Variants in CCDC60 observed in about 807,000 individuals in gnomAD.
CCDC60 encodes coiled-coil domain containing 60.
Under a neutral mutation model 63.5 loss-of-function variants are expected in CCDC60, and 54 were observed. That is an observed-to-expected ratio of 0.85 (90% confidence interval 0.68 to 1.07). The LOEUF (loss-of-function observed/expected upper bound fraction) is 1.07, where lower values mean the gene tolerates loss of function less well. Ranked by LOEUF, CCDC60 falls within the 50% of genes least tolerant of loss-of-function variation. The pLI, the probability that CCDC60 is intolerant of heterozygous loss-of-function variation, is 0.00. For missense variants in CCDC60, 651 were observed against 684.3 expected (o/e 0.95, Z 0.54); for synonymous variants, 206 against 238.8 (o/e 0.86, Z 1.27).
intron 1 of CCDC60, among the ~76,000 whole-genome samples, chr12:119,363,568 TAGAA>T (rs1398683386): frequency 2.0e-5 from 3 of 152,196 alleles, no homozygotes; most frequent in Admixed American, 6.5e-5. Flanking sequence ...CTATATGTAT[TAGAA>T]AGCCACAAGA....
intron 1 of CCDC60, among the ~76,000 whole-genome samples, chr12:119,406,305 C>G (rs1363420205): frequency 6.6e-6 from 1 of 151,918 alleles, no homozygotes; most frequent in African/African-American, 2.4e-5. Flanking sequence ...CATCAGCTCC[C>G]CTTGCGTCTT....
chr12:119,349,869 A>G (rs948738662), intron 1 of CCDC60, among the ~76,000 whole-genome samples: 2 of 152,068 alleles, frequency 1.3e-5, no homozygotes, highest in Admixed American at 1.3e-4. Context: ...CCCTTCAGAT[A>G]TTTTCAGTGC....
chr12:119,372,433 T>G (rs754777250), intron 1 of CCDC60, among the ~76,000 whole-genome samples: 1 of 152,180 alleles, frequency 6.6e-6, no homozygotes, highest in African/African-American at 2.4e-5. Context: ...TTAGAGCTGA[T>G]GTATAGAACC....
At chr12:119,385,187 C>T (rs1321263303) in intron 1 of CCDC60, among the ~76,000 whole-genome samples, 1 of 152,206 alleles carries the variant, frequency 6.6e-6, no homozygotes, top group Admixed American at 6.5e-5. Context: ...TCTCCAGAAC[C>T]ACTTGCCACC....
rs1351568742 is a variant in CCDC60 at position 119,456,516 on chromosome 12, AG to A, written c.171-15474del. ...GGTCACTAGAAAGATGTTACATGAA[AG>A]GGGTCCCAATCCAGACCCCAAGAGA... On this transcript the variant is annotated intron_variant, in intron 2 of 13. Coordinates refer to ENST00000327554, the MANE Select transcript of CCDC60 (RefSeq NM_178499.5). This position sits in a 1 kb window ranked among gnomAD's most constrained non-coding sequence, Gnocchi z 4.6. Among the ~76,000 whole-genome samples the A allele has an allele frequency of 6.6e-6, 1 of 152,184 alleles. No individual in the cohort carries two copies. The highest frequency in any genetic ancestry group is 1.5e-5 in the Non-Finnish European group (1 of 68,030).
intron 1 of CCDC60, among the ~76,000 whole-genome samples, chr12:119,368,668 C>G (rs1355039145): frequency 6.6e-6 from 1 of 152,150 alleles, no homozygotes; most frequent in African/African-American, 2.4e-5. Flanking sequence ...AAATACATGC[C>G]CTTTTGCCCT....
At chr12:119,423,620 C>G (rs1309042486) in intron 1 of CCDC60, among the ~76,000 whole-genome samples, 1 of 152,220 alleles carries the variant, frequency 6.6e-6, no homozygotes, top group Non-Finnish European at 1.5e-5. Flanking sequence ...CTAGCTTATG[C>G]CAAGTGGCCC....
In CCDC60 at chr12:119,420,751, G is replaced by A. The variant is rs113987264; in HGVS notation, c.91-7932G>A. Among the ~76,000 whole-genome samples the A allele has an allele frequency of 0.011, 1,730 of 152,154 alleles. 32 individuals are homozygous for A. The highest frequency in any genetic ancestry group is 0.039 in the African/African-American group (1,613 of 41,524). ...TAACTCAAAGGATAAATGCTTGAGG[G>A]GATAGATGCCCCATTCTCCATGATG... On this transcript the variant is annotated intron_variant, in intron 1 of 13. Transcript: ENST00000327554. This position sits in a 1 kb window ranked among gnomAD's most constrained non-coding sequence, Gnocchi z 4.1.
intron 4 of CCDC60, among the ~76,000 whole-genome samples, chr12:119,482,359 G>A: frequency 6.6e-6 from 1 of 151,924 alleles, no homozygotes; most frequent in Non-Finnish European, 1.5e-5. Context: ...TATCACAGTG[G>A]ATGTGGTTCA....
chr12:119,417,286 G>GA (rs1295207764), intron 1 of CCDC60, among the ~76,000 whole-genome samples: 14 of 152,090 alleles, frequency 9.2e-5, no homozygotes, highest in Non-Finnish European at 2.1e-4. Context: ...TGATGTACAA[G>GA]AAAATCCCCC....
At chr12:119,438,067 T>G (rs1179620280) in intron 2 of CCDC60, among the ~76,000 whole-genome samples, 1 of 152,186 alleles carries the variant, frequency 6.6e-6, no homozygotes, top group Non-Finnish European at 1.5e-5. Flanking sequence ...CTGTCTCAAG[T>G]TAATTGCGGT....
intron 1 of CCDC60, among the ~76,000 whole-genome samples, chr12:119,427,286 A>G (rs997345089): frequency 5.9e-5 from 9 of 152,214 alleles, no homozygotes; most frequent in Admixed American, 2.0e-4. Context: ...CACACAGATC[A>G]TTTTTCAAAA....
At position 119,456,881 on chromosome 12, in the gene CCDC60, C is replaced by T. The variant is rs899971582; in HGVS notation, c.171-15113C>T. On this transcript the variant is annotated intron_variant, in intron 2 of 13. Transcript: ENST00000327554. The surrounding 1 kb of genome is among the most constrained non-coding windows in gnomAD (Gnocchi z 4.6). ...CTTCTTTACTGCAACCTGTTTTATC[C>T]GCAAGGTCTTTATGATCTGTATTTT... Among the ~76,000 whole-genome samples the T allele has an allele frequency of 6.6e-6, 1 of 152,162 alleles. No individual in the cohort carries two copies. The highest frequency in any genetic ancestry group is 1.5e-5 in the Non-Finnish European group (1 of 68,018).
At chr12:119,540,538 T>G in intron 13 of CCDC60, 76 bp from the exon 14 acceptor site, 1 of 1,012,448 alleles carries the variant, frequency 9.9e-7, no homozygotes, top group South Asian at 1.3e-5. Flanking sequence ...TCTTCCAGGA[T>G]CTTGAGGGGA....
chr12:119,523,582 G>T, intron 10 of CCDC60, 111 bp from the exon 11 acceptor site: 1 of 1,471,194 alleles, frequency 6.8e-7, no homozygotes. Context: ...TGGCTACAGG[G>T]AGTCCCCCAT....
intron 1 of CCDC60, among the ~76,000 whole-genome samples, chr12:119,384,191 A>G (rs1012706344): frequency 6.6e-6 from 1 of 151,822 alleles, no homozygotes; most frequent in Non-Finnish European, 1.5e-5. Flanking sequence ...GCAAGACTCC[A>G]TCTCAAAAAA....
intron 1 of CCDC60, among the ~76,000 whole-genome samples, chr12:119,362,309 A>T (rs1296226170): frequency 6.6e-6 from 1 of 152,200 alleles, no homozygotes; most frequent in African/African-American, 2.4e-5. Context: ...TAAATTTTAC[A>T]TATCTATATA....
At chr12:119,532,541 G>C (rs1286731384) in intron 13 of CCDC60, among the ~76,000 whole-genome samples, 1 of 151,520 alleles carries the variant, frequency 6.6e-6, no homozygotes, top group Non-Finnish European at 1.5e-5. Flanking sequence ...ATCTACATTA[G>C]GTATTTCTCC....
chr12:119,522,864 C>A, intron 9 of CCDC60, 75 bp from the exon 10 acceptor site: 2 of 1,298,446 alleles, frequency 1.5e-6, no homozygotes, highest in Non-Finnish European at 2.2e-6. Context: ...CTAGCAGGTG[C>A]CATGGAGCAC....
Sources: gnomAD v4.1 joint callset for allele counts (sites outside exome capture counted in the v4.1 genomes callset) on GRCh38, gnomAD v4.1.1 for gene constraint, Gnocchi (gnomAD v3.1) non-coding constraint, MANE v1.5 for transcripts, NCBI Gene and HGNC (gene_info 2026-07-23, HGNC 2026-07-21) for gene names.